MROH9: variants seen among roughly 807,000 people sequenced by gnomAD.
MROH9 encodes the protein maestro heat like repeat family member 9, also known as maestro heat-like repeat-containing protein family member 9.
Under a neutral mutation model 98.2 loss-of-function variants are expected in MROH9, and 92 were observed. That is an observed-to-expected ratio of 0.94 (90% CI 0.79 to 1.11). The LOEUF (loss-of-function observed/expected upper bound fraction) is 1.11. MROH9 is among the 50% of genes most tolerant of loss of function. The pLI, the probability that MROH9 is intolerant of heterozygous loss-of-function variation, is 0.00. For missense variants in MROH9, 1,057 were observed against 1,014.8 expected (o/e 1.04, Z -0.57); for synonymous variants, 397 against 368.9 (o/e 1.08, Z -0.87).
chr1:170,992,448 T>G, intron 12 of MROH9, 119 bp downstream of exon 12: 2 of 1,004,978 alleles, frequency 2.0e-6, no homozygotes, highest in Non-Finnish European at 2.9e-6. Flanking sequence ...ATGCATCCAT[T>G]CATGCAACAC....
At chr1:171,058,244 C>G (rs1653907280) in intron 20 of MROH9, among the ~76,000 whole-genome samples, 1 of 150,926 alleles carries the variant, frequency 6.6e-6, no homozygotes, top group Non-Finnish European at 1.5e-5. Flanking sequence ...TTCACAATCA[C>G]TACAAAGAGA....
chr1:170,942,823 A>C (rs1649175755), intron 1 of MROH9, among the ~76,000 whole-genome samples: 1 of 152,144 alleles, frequency 6.6e-6, no homozygotes, highest in Non-Finnish European at 1.5e-5. Context: ...ACCAAACATA[A>C]GCTGGTGAAG....
chr1:171,062,240 A>G, intron 21 of MROH9, 46 bp downstream of exon 21: 1 of 1,322,946 alleles, frequency 7.6e-7, no homozygotes. Context: ...AAATCTAAAT[A>G]CATTTACTAT....
intron 6 of MROH9, 145 bp downstream of exon 6, chr1:170,962,121 T>C (rs565886515): frequency 2.2e-5 from 12 of 539,792 alleles, no homozygotes; most frequent in Non-Finnish European, 3.6e-5. Flanking sequence ...GAGTGAAATG[T>C]AGTCACTTCC....
rs1654108876 is a variant in MROH9 at position 171,064,487 on chromosome 1, T to G, written c.*147T>G. ...TGCTTTTCTGAAAAATTCTGGAAGC[T>G]TTTACTGTTACTTCTTAATTCTCTA... On this transcript the variant is annotated 3_prime_UTR_variant, in exon 22 of 22. Transcript: ENST00000367759. 1 of 741,316 alleles carries G rather than the reference T, an allele frequency of 1.3e-6. No homozygotes were observed. The highest frequency in any genetic ancestry group is 1.8e-5 in the African/African-American group (1 of 55,530). 45.9% of individuals were successfully genotyped at this position (741,316 alleles called of 1,614,324 possible). A position where few individuals can be genotyped will look rare whatever the true frequency, so the allele number is the denominator to read the frequency against.
At chr1:171,053,919 G>A (rs545279438) in intron 20 of MROH9, among the ~76,000 whole-genome samples, 7 of 152,240 alleles carry the variant, frequency 4.6e-5, no homozygotes, top group African/African-American at 9.6e-5. Context: ...GAGAAAGAAT[G>A]AGGCAGAAGA....
chr1:171,024,378 G>T lies in MROH9; in HGVS notation c.1909-17G>T. On this transcript the variant is annotated splice_polypyrimidine_tract_variant and intron_variant, in intron 17 of 21. Coordinates refer to ENST00000367759, the MANE Select transcript of MROH9 (RefSeq NM_001163629.2). ...AGCCCTAATATTATCCTCAAATAAG[G>T]CCTTTGTCTTTTACAGATTAATGGA... 1.3e-6 allele frequency: 2 copies of T among 1,549,350 alleles called. No individual in the cohort carries two copies. Among genetic ancestry groups the T allele is most frequent in the Admixed American group, 3.9e-5 (2 of 50,756 alleles).
At chr1:171,009,101 A>C (rs1209095893) in intron 15 of MROH9, among the ~76,000 whole-genome samples, 1 of 151,612 alleles carries the variant, frequency 6.6e-6, no homozygotes, top group Non-Finnish European at 1.5e-5. Flanking sequence ...GATAAACTAG[A>C]TATTAAAGAA....
At chr1:171,016,883 C>A (rs1652344687) in intron 17 of MROH9, among the ~76,000 whole-genome samples, 2 of 152,016 alleles carry the variant, frequency 1.3e-5, no homozygotes, top group African/African-American at 4.8e-5. Context: ...AAATATGTTT[C>A]AGAAAAGTTT....
At chr1:170,939,496 C>T (rs556203274) in intron 1 of MROH9, among the ~76,000 whole-genome samples, 10 of 152,320 alleles carry the variant, frequency 6.6e-5, no homozygotes, top group Non-Finnish European at 1.2e-4. Flanking sequence ...CTGTTTTCTT[C>T]CTCTGTCAAT....
At chr1:171,035,144 A>T (rs2101852376) in intron 20 of MROH9, among the ~76,000 whole-genome samples, 1 of 152,246 alleles carries the variant, frequency 6.6e-6, no homozygotes, top group Middle Eastern at 3.4e-3. Flanking sequence ...AAAGACAAAA[A>T]ATTTAAAAAT....
chr1:171,013,788 A>G (rs1180759942), intron 15 of MROH9, among the ~76,000 whole-genome samples: 1 of 151,844 alleles, frequency 6.6e-6, no homozygotes, highest in African/African-American at 2.4e-5. Flanking sequence ...CTGTGAAGAA[A>G]CTCACAACCT....
At chr1:171,007,741 A>G (rs935714243) in intron 15 of MROH9, among the ~76,000 whole-genome samples, 1 of 152,206 alleles carries the variant, frequency 6.6e-6, no homozygotes, top group African/African-American at 2.4e-5. Flanking sequence ...GAGGTGAGTT[A>G]CAGGGCTGTT....
chr1:171,007,415 T>C (rs569559147), intron 15 of MROH9, among the ~76,000 whole-genome samples: 2 of 152,122 alleles, frequency 1.3e-5, no homozygotes, highest in South Asian at 4.1e-4. Context: ...GCTCCTACTG[T>C]GTAAGTAGGT....
At chr1:171,030,180 T>C (rs1284688104) in intron 20 of MROH9, among the ~76,000 whole-genome samples, 3 of 152,058 alleles carry the variant, frequency 2.0e-5, no homozygotes, top group South Asian at 2.1e-4. Context: ...TTAATTCTTC[T>C]TTTTTTTCTA....
intron 11 of MROH9, among the ~76,000 whole-genome samples, chr1:170,990,527 A>G (rs1394083488): frequency 3.3e-5 from 5 of 152,220 alleles, no homozygotes; most frequent in African/African-American, 1.2e-4. Context: ...AAAAAAATAC[A>G]AACGCGAGTC....
chr1:171,054,103 T>G (rs1340750044), intron 20 of MROH9, among the ~76,000 whole-genome samples: 1 of 152,228 alleles, frequency 6.6e-6, no homozygotes, highest in Non-Finnish European at 1.5e-5. Flanking sequence ...TTAATCTGTT[T>G]AGCAAGTTTT....
At chr1:170,984,350 C>G (rs1557884814) in intron 9 of MROH9, among the ~76,000 whole-genome samples, 1 of 152,170 alleles carries the variant, frequency 6.6e-6, no homozygotes, top group African/African-American at 2.4e-5. Flanking sequence ...AGCAATACAT[C>G]TAACATGGTA....
Position 171,005,757 on chromosome 1 carries a change from T to G in MROH9, c.1596+7483T>G, listed in dbSNP as rs550205139. The stretch of plus-strand genomic sequence containing the variant: ...CTTCTTCCTTTCTGATTTGAATGAC[T>G]TGTGTTTCTTGTATGAATGTCTGTC... On this transcript the variant is annotated intron_variant, in intron 15 of 21. Transcript: ENST00000367759. Among the ~76,000 whole-genome samples, 17 of 152,314 alleles carry G rather than the reference T, an allele frequency of 1.1e-4. No homozygotes were observed. In the South Asian group the frequency reaches 3.5e-3, roughly 32 times the overall value.
Sources: allele counts gnomAD v4.1 joint callset (sites outside exome capture counted in the v4.1 genomes callset), GRCh38; gene constraint gnomAD v4.1.1; transcripts MANE v1.5; gene names NCBI Gene and HGNC (gene_info 2026-07-23, HGNC 2026-07-21).